Variants in ZNF236 observed in about 807,000 individuals in gnomAD.
ZNF236 encodes the protein zinc finger protein 236.
In ZNF236, 50 loss-of-function variants were observed where a neutral mutation model predicts 191.2. The observed-to-expected ratio is 0.26, with a 90% CI of 0.21 to 0.33. ZNF236 has a LOEUF of 0.33. ZNF236 is among the 10% of genes least tolerant of loss of function. The pLI is 1.00. For missense variants in ZNF236, 1,754 were observed against 2,374.5 expected, an observed-to-expected ratio of 0.74 and a Z score of 5.43; for synonymous variants, 907 against 928.8, an observed-to-expected ratio of 0.98 and a Z score of 0.43.
intron 19 of ZNF236, among the ~76,000 whole-genome samples, chr18:76,916,729 G>A (rs548305491): frequency 8.3e-4 from 127 of 152,302 alleles, no homozygotes; most frequent in African/African-American, 2.3e-3. Flanking sequence ...GTCACGGCTG[G>A]TCTGAGTGTA....
At chr18:76,873,882 C>T (rs951793894) in intron 5 of ZNF236, among the ~76,000 whole-genome samples, 3 of 150,686 alleles carry the variant, frequency 2.0e-5, no homozygotes, top group Admixed American at 6.6e-5. Context: ...CTCCTGCCCC[C>T]CTGTCGTCCT....
chr18:76,890,166 C>A (rs1343081670), intron 9 of ZNF236, among the ~76,000 whole-genome samples: 3 of 152,146 alleles, frequency 2.0e-5, no homozygotes, highest in Non-Finnish European at 4.4e-5. Flanking sequence ...TTCCCATATA[C>A]CCTTCATCCA....
intron 1 of ZNF236, chr18:76,824,149 A>T (rs1974951283): frequency 1.7e-6 from 1 of 595,264 alleles, no homozygotes; most frequent in East Asian, 2.8e-5. Flanking sequence ...GGTGCCCCAG[A>T]GAAAGGTCGG....
rs570643020 is a variant in ZNF236 at position 76,860,024 on chromosome 18, C to T, written c.363+8085C>T. Among the ~76,000 whole-genome samples the T allele has an allele frequency of 4.6e-5, 7 of 152,224 alleles. 1 individual carries two copies. The highest frequency in any genetic ancestry group is 1.4e-4 in the African/African-American group (6 of 41,520). ...GGGGTATGGTCTGCTTTCCACCGCT[C>T]AGCCGCTGGGAGGAGTGGAGATGGT... is the stretch of plus-strand genomic sequence containing the variant. On this transcript the variant is annotated intron_variant, in intron 3 of 30. Coordinates refer to ENST00000320610, the MANE Select transcript of ZNF236 (RefSeq NM_001306089.2).
intron 19 of ZNF236, among the ~76,000 whole-genome samples, chr18:76,917,605 C>T (rs1967406595): frequency 6.6e-6 from 1 of 152,194 alleles, no homozygotes; most frequent in African/African-American, 2.4e-5. Context: ...GTTAAATTCC[C>T]TCACATTTAT....
intron 9 of ZNF236, among the ~76,000 whole-genome samples, chr18:76,890,383 T>C (rs1048927361): frequency 6.6e-6 from 1 of 152,216 alleles, no homozygotes; most frequent in Non-Finnish European, 1.5e-5. Context: ...CCAGTACTAT[T>C]GTCCACTGTA....
At chr18:76,954,245 G>C (rs470385) in intron 27 of ZNF236, among the ~76,000 whole-genome samples, 4 of 152,054 alleles carry the variant, frequency 2.6e-5, no homozygotes, top group Admixed American at 2.6e-4. Context: ...TTAAAGTTTC[G>C]TGTGTTTGTT....
At chr18:76,938,332 G>T (rs1319263151) in intron 26 of ZNF236, among the ~76,000 whole-genome samples, 1 of 152,196 alleles carries the variant, frequency 6.6e-6, no homozygotes, top group Non-Finnish European at 1.5e-5. Flanking sequence ...CGATGCTGCA[G>T]TGAGCCATGA....
At chr18:76,928,601 C>T (rs1017483396) in intron 25 of ZNF236, among the ~76,000 whole-genome samples, 1 of 152,264 alleles carries the variant, frequency 6.6e-6, no homozygotes, top group Non-Finnish European at 1.5e-5. Context: ...GGCAGTAAAG[C>T]CCACCTAAAA....
intron 3 of ZNF236, among the ~76,000 whole-genome samples, chr18:76,862,615 G>C (rs1423155595): frequency 6.6e-6 from 1 of 152,168 alleles, no homozygotes; most frequent in Non-Finnish European, 1.5e-5. Flanking sequence ...TCTCCCTCCA[G>C]AGTGTGTCAG....
intron 26 of ZNF236, among the ~76,000 whole-genome samples, chr18:76,938,435 G>T (rs1318722253): frequency 6.6e-6 from 1 of 152,112 alleles, no homozygotes; most frequent in Admixed American, 6.5e-5. Context: ...TTCCTTGATT[G>T]TCCTGTCTCT....
At chr18:76,905,545 GAAAAAAAAAA>G (rs1159878664) in intron 13 of ZNF236, 130 bp downstream of exon 13, 36 of 68,118 alleles carry the variant, frequency 5.3e-4, no homozygotes, top group African/African-American at 9.6e-4. Context: ...ATGGGCTCAA[GAAAAAAAAAA>G]AAAAAAAAAA....
chr18:76,948,098 TC>T (rs750959438), intron 27 of ZNF236, among the ~76,000 whole-genome samples: 18 of 152,250 alleles, frequency 1.2e-4, no homozygotes, highest in Admixed American at 2.6e-4. Flanking sequence ...GTGTTCAAGA[TC>T]TGTCATTTGG....
chr18:76,920,084 G>T, intron 20 of ZNF236, 26 bp downstream of exon 20: 4 of 1,598,734 alleles, frequency 2.5e-6, no homozygotes, highest in Non-Finnish European at 3.4e-6. Context: ...CGCCGCGCGG[G>T]TTCCGCTCTG....
intron 3 of ZNF236, among the ~76,000 whole-genome samples, chr18:76,867,969 C>A: frequency 6.6e-6 from 1 of 151,058 alleles, no homozygotes; most frequent in South Asian, 2.1e-4. Context: ...TTCTAGTAGC[C>A]ACATTTTTAA....
chr18:76,913,747 G>C lies in ZNF236; in HGVS notation c.2910G>C (p.Arg970Ser). The change falls in exon 18 of 31, where the codon AGG becomes AGC. Residue 970 changes from arginine to serine, a missense_variant and splice_region_variant. Arg to Ser is a moderately radical substitution (Grantham distance 110). Transcript: ENST00000320610. ...TGAGTTCTGTATGTTTGCTTTGTAG[G>C]TGTGACTATTGCAACAAAGGCTTTA... ...DNEDQSRRSY[R>S]CDYCNKGFKK... 6.2e-7 allele frequency: 1 copy of C among 1,613,956 alleles called. No individual in the cohort carries two copies. The highest frequency in any genetic ancestry group is 8.5e-7 in the Non-Finnish European group (1 of 1,179,896).
At chr18:76,936,348 T>C (rs775770769) in intron 25 of ZNF236, 12 of 456,588 alleles carry the variant, frequency 2.6e-5, no homozygotes, top group South Asian at 1.9e-4. Context: ...ACTTTCAACG[T>C]TGTGTTCACT....
intron 29 of ZNF236, 86 bp downstream of exon 29, chr18:76,959,902 T>C: frequency 6.9e-7 from 1 of 1,445,092 alleles, no homozygotes; most frequent in East Asian, 2.3e-5. Context: ...TGTGCAATAT[T>C]CACGAGCGAT....
rs57904247 is a variant in ZNF236 at position 76,961,814 on chromosome 18, A to G, written c.5419+959A>G. ...GGTTTTGATTTGCATTTTCCTGATC[A>G]TTAGTGATGTTGAGCATTTTTTCAT... is the stretch of plus-strand genomic sequence containing the variant. On this transcript the variant is annotated intron_variant, in intron 30 of 30. Coordinates refer to ENST00000320610, the MANE Select transcript of ZNF236 (RefSeq NM_001306089.2). Among the ~76,000 whole-genome samples the G allele has an allele frequency of 9.9e-3, 1,499 of 152,108 alleles. 25 individuals carry two copies. Among genetic ancestry groups the G allele is most frequent in the African/African-American group, 0.035 (1,441 of 41,468 alleles).
Sources: gnomAD v4.1 joint callset for allele counts (sites outside exome capture counted in the v4.1 genomes callset) on GRCh38, gnomAD v4.1.1 for gene constraint, MANE v1.5 for transcripts, NCBI Gene and HGNC (gene_info 2026-07-23, HGNC 2026-07-21) for gene names.